Variants in MAP2 observed in about 807,000 individuals in gnomAD.
MAP2 encodes the protein microtubule associated protein 2.
In MAP2, 14 loss-of-function variants were observed where a neutral mutation model predicts 137.6. That is an observed-to-expected ratio of 0.10 (90% CI 0.07 to 0.16). The LOEUF (loss-of-function observed/expected upper bound fraction) is 0.16. Among genes scored for constraint, MAP2 ranks in the 10% least tolerant of loss-of-function variants. The pLI is 1.00. For synonymous variants in MAP2, 786 were observed against 782.3 expected, an observed-to-expected ratio of 1.00 and a Z score of -0.08; for missense variants, 2,088 against 2,191.5, an observed-to-expected ratio of 0.95 and a Z score of 0.94.
intron 5 of MAP2, among the ~76,000 whole-genome samples, chr2:209,672,075 G>C (rs930199207): frequency 6.6e-6 from 1 of 151,916 alleles, no homozygotes; most frequent in Non-Finnish European, 1.5e-5. Context: ...AATTTTTGTT[G>C]TGACAAGTAG....
chr2:209,707,409 A>C (rs1258412327), intron 12 of MAP2, among the ~76,000 whole-genome samples: 1 of 152,144 alleles, frequency 6.6e-6, no homozygotes, highest in Non-Finnish European at 1.5e-5. Context: ...CGATTGGAAA[A>C]GCAAGCACTC....
rs2059564489 is a variant in MAP2, at chr2:209,693,895, A to G, written c.1725A>G (p.Thr575=). 1.9e-6 allele frequency: 3 copies of G among 1,611,420 alleles called. No homozygotes were observed. The highest frequency in any genetic ancestry group is 2.5e-6 in the Non-Finnish European group (3 of 1,179,236). ...CAGGAATGTCCAAGTACTTTGAAAC[A>G]TCTGCCTTGAAAGAAGAAGCAACAA... The part of the protein sequence containing the change: ...DKSGMSKYFE[T]SALKEEATKS... Residue 575 remains threonine, a synonymous_variant, in exon 8 of 16, where the codon ACA becomes ACG. Coordinates refer to ENST00000682079, the MANE Select transcript of MAP2 (RefSeq NM_001375505.1).
chr2:209,599,938 A>G (rs1159737332), intron 3 of MAP2, among the ~76,000 whole-genome samples: 1 of 152,188 alleles, frequency 6.6e-6, no homozygotes, highest in Non-Finnish European at 1.5e-5. Flanking sequence ...AAGTTATATA[A>G]TTAGTAGTAA....
At chr2:209,599,194 G>A (rs2082272196) in intron 3 of MAP2, among the ~76,000 whole-genome samples, 1 of 151,818 alleles carries the variant, frequency 6.6e-6, no homozygotes, top group South Asian at 2.1e-4. Flanking sequence ...TTCTCTGATG[G>A]CCAGTGATGG....
chr2:209,435,998 T>TATTATATATA lies in MAP2; in HGVS notation c.-222+11724_-222+11725insTATATATAAT. On this transcript the variant is annotated intron_variant, in intron 1 of 15. Coordinates refer to ENST00000682079, the MANE Select transcript of MAP2 (RefSeq NM_001375505.1). Reference sequence around the variant, plus strand: ...AATATATACAGTATATATTATATACTATATATACAGTATATATTATATATA... The same window carrying TATTATATATA: ...AATATATACAGTATATATTATATACTATTATATATAATATATACAGTATATATTATATATA... Among the ~76,000 whole-genome samples the TATTATATATA allele has an allele frequency of 2.3e-5, 2 of 88,802 alleles. 1 individual carries two copies. Among genetic ancestry groups the TATTATATATA allele is most frequent in the African/African-American group, 1.3e-4 (2 of 15,940 alleles). The allele number at this position is 88,802 out of a possible 152,430, so 58.3% of individuals were successfully genotyped here.
At chr2:209,713,924 CATGCCTGTA>C (rs1200854197) in intron 13 of MAP2, among the ~76,000 whole-genome samples, 1 of 152,070 alleles carries the variant, frequency 6.6e-6, no homozygotes. Context: ...TGTGGTGGCT[CATGCCTGTA>C]ATCCCAGCAC....
intron 13 of MAP2, among the ~76,000 whole-genome samples, chr2:209,715,611 T>C (rs2067253577): frequency 6.6e-6 from 1 of 152,166 alleles, no homozygotes; most frequent in African/African-American, 2.4e-5. Context: ...GAAATTGCAT[T>C]TCTGATAAGA....
chr2:209,430,951 C>T (rs1036249190), intron 1 of MAP2, among the ~76,000 whole-genome samples: 4 of 150,560 alleles, frequency 2.7e-5, no homozygotes, highest in South Asian at 2.1e-4. Context: ...TTGCCTTATT[C>T]GGGATGAAGA....
At chr2:209,590,247 C>A (rs1366189058) in intron 3 of MAP2, among the ~76,000 whole-genome samples, 1 of 152,122 alleles carries the variant, frequency 6.6e-6, no homozygotes, top group African/African-American at 2.4e-5. Context: ...TATTTTTTTC[C>A]CCCTTTAGTG....
chr2:209,653,426 A>G lies in MAP2; in HGVS notation c.256A>G (p.Thr86Ala), dbSNP rs2094931310. 1 of 1,595,488 alleles carries G rather than the reference A, an allele frequency of 6.3e-7. No individual in the cohort carries two copies. Among genetic ancestry groups the G allele is most frequent in the Non-Finnish European group, 8.5e-7 (1 of 1,169,844 alleles). ...NGELTSADRE[T>A]AEEVSARIVQ... is the part of the protein sequence containing the mutation. ...AGAGCTGACCTCAGCTGACAGAGAA[A>G]CAGCAGGTAACTAAGGGCTCTACTG... The change falls in exon 5 of 16, where the codon ACA becomes GCA. Residue 86 changes from threonine to alanine, a missense_variant. Transcript: ENST00000682079.
At chr2:209,652,281 A>G (rs1418318580) in intron 4 of MAP2, among the ~76,000 whole-genome samples, 4 of 152,178 alleles carry the variant, frequency 2.6e-5, no homozygotes, top group East Asian at 3.9e-4. Flanking sequence ...TTGTATGTCA[A>G]TGGTTTTAAC....
intron 1 of MAP2, among the ~76,000 whole-genome samples, chr2:209,427,419 A>T (rs1257106080): frequency 1.3e-5 from 2 of 152,186 alleles, no homozygotes; most frequent in Non-Finnish European, 2.9e-5. Flanking sequence ...ATTCTCTCAG[A>T]TATATCAAGT....
chr2:209,585,271 A>G (rs894426144), intron 3 of MAP2, among the ~76,000 whole-genome samples: 4 of 152,030 alleles, frequency 2.6e-5, no homozygotes, highest in Non-Finnish European at 5.9e-5. Flanking sequence ...AAAAAAGCAA[A>G]GAAAGAAGAG....
chr2:209,577,280 T>G (rs2075510205), intron 2 of MAP2, among the ~76,000 whole-genome samples: 1 of 152,130 alleles, frequency 6.6e-6, no homozygotes, highest in African/African-American at 2.4e-5. Context: ...CTGAAATCTC[T>G]TGTGATTATT....
chr2:209,693,926 A>G lies in MAP2; in HGVS notation c.1756A>G (p.Ile586Val), dbSNP rs781690984. 6.2e-7 allele frequency: 1 copy of G among 1,612,170 alleles called. No individual in the cohort carries two copies. The highest frequency in any genetic ancestry group is 1.3e-5 in the African/African-American group (1 of 74,778). ...SALKEEATKSIEPGSDYYELS... is the reference protein window; with the variant it reads ...SALKEEATKSVEPGSDYYELS... Reference sequence around the variant, plus strand: ...CTTGAAAGAAGAAGCAACAAAAAGCATTGAGCCAGGCAGTGATTACTATGA... The same window carrying G: ...CTTGAAAGAAGAAGCAACAAAAAGCGTTGAGCCAGGCAGTGATTACTATGA... The change falls in exon 8 of 16, where the codon ATT becomes GTT. Residue 586 changes from isoleucine to valine, a missense_variant. Physicochemically the swap from Ile to Val is conservative, Grantham distance 29. Coordinates refer to ENST00000682079, the MANE Select transcript of MAP2 (RefSeq NM_001375505.1).
intron 1 of MAP2, among the ~76,000 whole-genome samples, chr2:209,491,403 A>G (rs2059094644): frequency 6.6e-6 from 1 of 152,216 alleles, no homozygotes; most frequent in African/African-American, 2.4e-5. Context: ...AAGCAAGAGC[A>G]AACAAATTCA....
chr2:209,631,024 A>T (rs2092973595), intron 4 of MAP2, among the ~76,000 whole-genome samples: 1 of 142,266 alleles, frequency 7.0e-6, no homozygotes, highest in African/African-American at 2.6e-5. Flanking sequence ...AAAAAAAAAA[A>T]AAAAAAAAAA....
chr2:209,430,297 T>C (rs1237931435), intron 1 of MAP2, among the ~76,000 whole-genome samples: 4 of 151,852 alleles, frequency 2.6e-5, no homozygotes, highest in Admixed American at 6.6e-5. Flanking sequence ...TTATAATACT[T>C]GTAACAACTT....
intron 6 of MAP2, among the ~76,000 whole-genome samples, chr2:209,680,307 AT>A (rs2053997330): frequency 6.6e-6 from 1 of 152,136 alleles, no homozygotes; most frequent in East Asian, 1.9e-4. Flanking sequence ...AAGATAACAC[AT>A]GTTTCCAGAT....
Sources: gnomAD v4.1 joint callset for allele counts (sites outside exome capture counted in the v4.1 genomes callset) on GRCh38, gnomAD v4.1.1 for gene constraint, MANE v1.5 for transcripts, NCBI Gene and HGNC (gene_info 2026-07-23, HGNC 2026-07-21) for gene names.